The following SECISBP2L variants were observed in gnomAD, a reference collection of about 807,000 sequenced individuals.
SECISBP2L encodes the protein SECIS binding protein 2 like.
A neutral mutation model predicts 114.7 loss-of-function variants in SECISBP2L; 43 were observed. The observed-to-expected ratio is 0.38, with a 90% CI of 0.29 to 0.48. The LOEUF (loss-of-function observed/expected upper bound fraction) is 0.48. Ranked by LOEUF, SECISBP2L falls within the 20% of genes least tolerant of loss-of-function variation. The pLI, the probability that SECISBP2L is intolerant of heterozygous loss-of-function variation, is 0.98. For missense variants in SECISBP2L, 1,136 were observed against 1,301.1 expected, an observed-to-expected ratio of 0.87 and a Z score of 1.95; for synonymous variants, 451 against 439.7, an observed-to-expected ratio of 1.03 and a Z score of -0.32.
At chr15:48,999,013 A>G (rs1595781842) in intron 16 of SECISBP2L, among the ~76,000 whole-genome samples, 1 of 152,254 alleles carries the variant, frequency 6.6e-6, no homozygotes, top group Non-Finnish European at 1.5e-5. Context: ...CGTAACCTAC[A>G]GCAAGGCAGT....
At chr15:49,016,306 A>T (rs1374576731) in intron 11 of SECISBP2L, 1 of 318,666 alleles carries the variant, frequency 3.1e-6, no homozygotes, top group Non-Finnish European at 5.7e-6. Flanking sequence ...GAGTAGTTAG[A>T]GTATGGATAT....
chr15:49,023,679 G>A (rs532085431), intron 7 of SECISBP2L, among the ~76,000 whole-genome samples: 5 of 152,148 alleles, frequency 3.3e-5, no homozygotes, highest in Non-Finnish European at 7.3e-5. Flanking sequence ...ACAATATTAC[G>A]AGTTGTCTAA....
chr15:49,036,792 T>G (rs574855987), intron 2 of SECISBP2L, among the ~76,000 whole-genome samples: 1 of 152,238 alleles, frequency 6.6e-6, no homozygotes. Flanking sequence ...TCAAAGAATG[T>G]GCACTGGCAC....
intron 4 of SECISBP2L, among the ~76,000 whole-genome samples, chr15:49,031,946 T>C (rs1055165388): frequency 2.0e-5 from 3 of 152,216 alleles, no homozygotes; most frequent in Non-Finnish European, 4.4e-5. Flanking sequence ...TTCTTTTCCA[T>C]AGCCACTCCA....
At chr15:49,019,822 A>C (rs914263848) in intron 7 of SECISBP2L, among the ~76,000 whole-genome samples, 2 of 152,262 alleles carry the variant, frequency 1.3e-5, no homozygotes, top group Non-Finnish European at 2.9e-5. Flanking sequence ...AACAGGAAAC[A>C]AACCAGATGT....
intron 1 of SECISBP2L, among the ~76,000 whole-genome samples, chr15:49,043,957 A>AAAAAGTGTTTTTTTTTT (rs1365526394): frequency 3.3e-5 from 5 of 152,054 alleles, no homozygotes; most frequent in African/African-American, 1.2e-4. Context: ...TCAGGCAAAA[A>AAAAAGTGTTTTTTTTTT]AAAAGCGTTT....
At chr15:49,029,685 G>A (rs1902842520) in intron 4 of SECISBP2L, among the ~76,000 whole-genome samples, 1 of 152,162 alleles carries the variant, frequency 6.6e-6, no homozygotes, top group South Asian at 2.1e-4. Flanking sequence ...CAAGAACTTA[G>A]GGGATGCACA....
rs1902942402 is a variant in SECISBP2L, at chr15:49,033,626, C to G, written c.529-526G>C. Among the ~76,000 whole-genome samples, 3 of 151,994 alleles carry G rather than the reference C, an allele frequency of 2.0e-5. No individual in the cohort carries two copies. The South Asian group carries it at 6.2e-4, about 32-fold the overall frequency. ...CCTAGGCTGAAAGATCACTTGAGGT[C>G]AGGAGTTTGGGACCAGCCTGGGCAA... On this transcript the variant is annotated intron_variant, in intron 3 of 17. Transcript: ENST00000559471.
intron 4 of SECISBP2L, among the ~76,000 whole-genome samples, chr15:49,032,201 A>C (rs1283302976): frequency 6.6e-6 from 1 of 152,206 alleles, no homozygotes; most frequent in Non-Finnish European, 1.5e-5. Context: ...TACAGAGATA[A>C]AAAAGCTAAT....
rs193261522 is a variant in SECISBP2L, at chr15:48,990,151, T to G, written c.*2093A>C. The G allele has an allele frequency of 1.3e-5, 2 of 152,702 alleles. No individual in the cohort carries two copies. The highest frequency in any genetic ancestry group is 2.9e-5 in the Non-Finnish European group (2 of 68,020). 9.5% of individuals were successfully genotyped at this position (152,702 alleles called of 1,614,324 possible). A position where few individuals can be genotyped will look rare whatever the true frequency, so the allele number is the denominator to read the frequency against. ...CTCAACTTCTCTTTTGATACAAATG[T>G]CAAAAATCTAAAATGACAATTCATG... is the stretch of plus-strand genomic sequence containing the variant. On this transcript the variant is annotated 3_prime_UTR_variant, in exon 18 of 18. Transcript: ENST00000559471.
intron 1 of SECISBP2L, among the ~76,000 whole-genome samples, chr15:49,038,530 A>C (rs1046514316): frequency 1.3e-5 from 2 of 152,068 alleles, no homozygotes; most frequent in African/African-American, 4.8e-5. Context: ...GATAGGAATT[A>C]TTCTTAGCAA....
chr15:49,013,178 T>C (rs1161734231), intron 11 of SECISBP2L: 2 of 169,528 alleles, frequency 1.2e-5, no homozygotes, highest in Non-Finnish European at 2.5e-5. Context: ...ATCTGCTATT[T>C]GTCCTTATGT....
At chr15:49,024,382 G>A (rs1902699831) in intron 7 of SECISBP2L, among the ~76,000 whole-genome samples, 1 of 151,756 alleles carries the variant, frequency 6.6e-6, no homozygotes, top group South Asian at 2.1e-4. Flanking sequence ...TGTAATCCCA[G>A]CTACTCAGGA....
chr15:49,015,831 G>A (rs1284341299), intron 11 of SECISBP2L, among the ~76,000 whole-genome samples: 3 of 152,078 alleles, frequency 2.0e-5, no homozygotes, highest in Admixed American at 2.0e-4. Flanking sequence ...CTTTGAAAAA[G>A]AAAAAAATTT....
intron 4 of SECISBP2L, among the ~76,000 whole-genome samples, chr15:49,029,541 T>C (rs573452049): frequency 2.0e-5 from 3 of 152,348 alleles, no homozygotes; most frequent in African/African-American, 7.2e-5. Context: ...AGTGTACTTA[T>C]CCTTTGTACC....
At chr15:49,030,555 A>G (rs1902864477) in intron 4 of SECISBP2L, among the ~76,000 whole-genome samples, 1 of 152,216 alleles carries the variant, frequency 6.6e-6, no homozygotes, top group African/African-American at 2.4e-5. Flanking sequence ...TGTCAGTTAT[A>G]TACATGGTAA....
chr15:49,033,108 A>T lies in SECISBP2L; in HGVS notation c.529-8T>A, dbSNP rs780655189. 57 of 1,484,322 alleles carry T rather than the reference A, an allele frequency of 3.8e-5. No individual in the cohort carries two copies. The highest frequency in any genetic ancestry group is 3.6e-4 in the Middle Eastern group (2 of 5,626). 91.9% of individuals were successfully genotyped at this position (1,484,322 alleles called of 1,614,324 possible). Reference sequence around the variant, plus strand: ...CTGTTGTAAAAGCTGTTGCTGATTTAAAAAAAAAACAAAAAAACAAAAAAC... The same window carrying T: ...CTGTTGTAAAAGCTGTTGCTGATTTTAAAAAAAAACAAAAAAACAAAAAAC... On this transcript the variant is annotated splice_polypyrimidine_tract_variant and splice_region_variant and intron_variant, in intron 3 of 17. Transcript: ENST00000559471.
chr15:49,001,087 G>T lies in SECISBP2L; in HGVS notation c.2038C>A (p.Gln680Lys). ...TCATCAATCTCTTTACAAAGAACCTGATTACAATACCTGTAAAAAAAAACC... is the reference window on the plus strand; with the variant it reads ...TCATCAATCTCTTTACAAAGAACCTTATTACAATACCTGTAAAAAAAAACC... ...HSKRFREYCNQVLCKEIDECV... is the reference protein window; with the variant it reads ...HSKRFREYCNKVLCKEIDECV... The change falls in exon 15 of 18, where the codon CAG (glutamine) becomes AAG (lysine). Residue 680 changes from glutamine (Q) to lysine (K), a missense_variant. By Grantham distance (53) the Gln-to-Lys change is moderately conservative. Transcript: ENST00000559471. 1 of 1,605,928 alleles carries T rather than the reference G, an allele frequency of 6.2e-7. No individual in the cohort carries two copies. The highest frequency in any genetic ancestry group is 1.1e-5 in the South Asian group (1 of 89,050).
intron 7 of SECISBP2L, among the ~76,000 whole-genome samples, chr15:49,020,169 T>G (rs983193397): frequency 6.6e-6 from 1 of 152,118 alleles, no homozygotes; most frequent in Admixed American, 6.5e-5. Context: ...TGCACTATAG[T>G]TTTGCAAGAT....
Sources: allele counts gnomAD v4.1 joint callset (sites outside exome capture counted in the v4.1 genomes callset), GRCh38; gene constraint gnomAD v4.1.1; transcripts MANE v1.5; gene names NCBI Gene and HGNC (gene_info 2026-07-23, HGNC 2026-07-21).